The following CAMKK2 variants were observed in gnomAD, a reference collection of about 807,000 sequenced individuals.
CAMKK2 encodes calcium/calmodulin-dependent protein kinase kinase 2.
In CAMKK2, 30 loss-of-function variants were observed where a neutral mutation model predicts 67.2. The ratio of observed to expected loss-of-function variants is 0.45; its 90% CI spans 0.33 to 0.61. The LOEUF (loss-of-function observed/expected upper bound fraction) is 0.61, where lower values mean the gene tolerates loss of function less well. Ranked by LOEUF, CAMKK2 falls within the 20% of genes least tolerant of loss-of-function variation. The probability of loss-of-function intolerance (pLI) is 0.02; values close to 1 mark genes in which losing one functional copy is unlikely to be tolerated. For synonymous variants in CAMKK2, 322 were observed against 326.2 expected (o/e 0.99, Z 0.14); for missense variants, 643 against 802.0 (o/e 0.80, Z 2.39).
At chr12:121,242,409 A>G (rs1888550911) in intron 16 of CAMKK2, among the ~76,000 whole-genome samples, 1 of 152,176 alleles carries the variant, frequency 6.6e-6, no homozygotes, top group African/African-American at 2.4e-5. Context: ...AGACTTGCTC[A>G]GAGACAGGAG....
In CAMKK2 at chr12:121,255,588, C is replaced by T. The variant is rs747039247; in HGVS notation, c.869G>A (p.Arg290His). 1.6e-5 allele frequency: 26 copies of T among 1,612,292 alleles called. 1 individual carries two copies. The South Asian group carries it at 2.0e-4, about 12-fold the overall frequency. Reference sequence around the variant, plus strand: ...TTTGATCAGATCCTGGAAGTAGAAACGGGCCTGGTCTTCAGAGAGTGGTTT... The same window carrying T: ...TTTGATCAGATCCTGGAAGTAGAAATGGGCCTGGTCTTCAGAGAGTGGTTT... ...TLKPLSEDQA[R>H]FYFQDLIKGI... The change falls in exon 9 of 17, where the codon CGT becomes CAT. Residue 290 changes from arginine to histidine, a missense_variant. Physicochemically the swap from Arg to His is conservative, Grantham distance 29. This residue lies in a region of CAMKK2 where 483 missense variants were observed against 625.8 expected (regional missense o/e 0.77). Coordinates refer to ENST00000404169, the MANE Select transcript of CAMKK2 (RefSeq NM_001270485.2).
chr12:121,250,862 T>G (rs566667263), intron 11 of CAMKK2, among the ~76,000 whole-genome samples: 19 of 152,310 alleles, frequency 1.2e-4, no homozygotes, highest in African/African-American at 4.3e-4. Context: ...TCAGAAATAA[T>G]AAGTAGTATT....
At chr12:121,288,618 C>A (rs1402971910) in intron 1 of CAMKK2, among the ~76,000 whole-genome samples, 1 of 152,190 alleles carries the variant, frequency 6.6e-6, no homozygotes, top group Non-Finnish European at 1.5e-5. Flanking sequence ...ACTTCTCTAA[C>A]AGAAGCTTCT....
At position 121,238,901 on chromosome 12, in the gene CAMKK2, CCATAAA is replaced by C. The variant is rs1887933929; in HGVS notation, c.*1792_*1797del. The C allele has an allele frequency of 6.6e-6, 1 of 152,656 alleles. No homozygotes were observed. Among genetic ancestry groups the C allele is most frequent in the African/African-American group, 2.4e-5 (1 of 41,454 alleles). 9.5% of individuals were successfully genotyped at this position (152,656 alleles called of 1,614,324 possible). On this transcript the variant is annotated 3_prime_UTR_variant, in exon 17 of 17. Coordinates refer to ENST00000404169, the MANE Select transcript of CAMKK2 (RefSeq NM_001270485.2). ...GGGGTGGAGCTATTGAGTCCTCTCCCCATAAACATAAAGCCAGGAGGGCAAGAGGAA... is the reference window on the plus strand; with the variant it reads ...GGGGTGGAGCTATTGAGTCCTCTCCCCATAAAGCCAGGAGGGCAAGAGGAA...
chr12:121,251,397 G>C (rs35113167), intron 11 of CAMKK2, among the ~76,000 whole-genome samples: 2,361 of 152,228 alleles, frequency 0.016, 28 homozygotes, highest in Non-Finnish European at 0.023. Context: ...AATATTGAGA[G>C]GCAATCGGTA....
chr12:121,257,299 T>A (rs922217846), intron 7 of CAMKK2, among the ~76,000 whole-genome samples: 1 of 150,388 alleles, frequency 6.6e-6, no homozygotes, highest in Non-Finnish European at 1.5e-5. Context: ...CAGGCTGGAG[T>A]GCAGTGGCAC....
In CAMKK2 at chr12:121,245,358, C is replaced by T. The variant is rs1170896881; in HGVS notation, c.1453-118G>A. Reference sequence around the variant, plus strand: ...CCTGCCAGCTCCCAGGGCTGGTGACCGATGGCAGACTTTGAGAGAAACTGG... The same window carrying T: ...CCTGCCAGCTCCCAGGGCTGGTGACTGATGGCAGACTTTGAGAGAAACTGG... On this transcript the variant is annotated intron_variant, in intron 14 of 16. Coordinates refer to ENST00000404169, the MANE Select transcript of CAMKK2 (RefSeq NM_001270485.2). The surrounding 1 kb of genome is among the most constrained non-coding windows in gnomAD (Gnocchi z 5.8). 7.4e-6 allele frequency: 5 copies of T among 672,282 alleles called. No homozygotes were observed. The highest frequency in any genetic ancestry group is 5.6e-5 in the East Asian group (2 of 35,694). 41.6% of individuals were successfully genotyped at this position (672,282 alleles called of 1,614,324 possible).
chr12:121,282,504 G>A (rs1897981520), intron 1 of CAMKK2, among the ~76,000 whole-genome samples: 3 of 152,150 alleles, frequency 2.0e-5, no homozygotes, highest in Non-Finnish European at 2.9e-5. Context: ...AACAGGCCTA[G>A]TCCAATAAAT....
chr12:121,271,479 T>A (rs1895773935), intron 2 of CAMKK2, among the ~76,000 whole-genome samples: 1 of 144,218 alleles, frequency 6.9e-6, no homozygotes, highest in Admixed American at 6.8e-5. Flanking sequence ...CCACACACTG[T>A]GGACTCTTGT....
chr12:121,269,648 T>C (rs1895327142), intron 3 of CAMKK2, 67 bp from the exon 4 acceptor site: 1 of 1,270,064 alleles, frequency 7.9e-7, no homozygotes, highest in Non-Finnish European at 1.1e-6. Context: ...AGAACCCTAA[T>C]ACAGACGTTG....
At chr12:121,242,900 G>A (rs1365929965) in intron 16 of CAMKK2, among the ~76,000 whole-genome samples, 1 of 151,922 alleles carries the variant, frequency 6.6e-6, no homozygotes, top group Non-Finnish European at 1.5e-5. Flanking sequence ...CCGCCACCGC[G>A]CCCGGCTAAT....
chr12:121,256,858 A>G (rs1892391249), intron 7 of CAMKK2, among the ~76,000 whole-genome samples: 1 of 152,154 alleles, frequency 6.6e-6, no homozygotes, highest in African/African-American at 2.4e-5. Flanking sequence ...AAGTGCTGCA[A>G]TGAACGTTCG....
At position 121,238,177 on chromosome 12, in the gene CAMKK2, A is replaced by G. The variant is rs180774031; in HGVS notation, c.*2522T>C. 2.0e-5 allele frequency: 3 copies of G among 152,400 alleles called. No individual in the cohort carries two copies. Among genetic ancestry groups the G allele is most frequent in the Admixed American group, 6.5e-5 (1 of 15,298 alleles). The allele number at this position is 152,400 out of a possible 1,614,324, so 9.4% of individuals were successfully genotyped here. A position where few individuals can be genotyped will look rare whatever the true frequency, so the allele number is the denominator to read the frequency against. The stretch of plus-strand genomic sequence containing the variant: ...GTAGGGAGAGGCCTCCGCAGCCCCA[A>G]GTGTCAACAAGGGGCTCAATAAGGC... On this transcript the variant is annotated 3_prime_UTR_variant, in exon 17 of 17. Coordinates refer to ENST00000404169, the MANE Select transcript of CAMKK2 (RefSeq NM_001270485.2).
chr12:121,252,298 C>T (rs535564736), intron 11 of CAMKK2, among the ~76,000 whole-genome samples: 76 of 152,312 alleles, frequency 5.0e-4, no homozygotes, highest in African/African-American at 1.8e-3. Flanking sequence ...GACGGAGTCT[C>T]GCTCTTGTTG....
rs78250455 is a variant in CAMKK2, at chr12:121,268,607, G to A, written c.625+31C>T. Reference sequence around the variant, plus strand: ...TCTGCCCTGTCTTGTCCCAGCCCCTGTACCTAACAACAAAGGCCCGCCAAA... The same window carrying A: ...TCTGCCCTGTCTTGTCCCAGCCCCTATACCTAACAACAAAGGCCCGCCAAA... On this transcript the variant is annotated intron_variant, in intron 5 of 16. Coordinates refer to ENST00000404169, the MANE Select transcript of CAMKK2 (RefSeq NM_001270485.2). 3,895 of 1,609,842 alleles carry A rather than the reference G, an allele frequency of 2.4e-3. 101 individuals carry two copies. In the African/African-American group the frequency reaches 0.043, roughly 18 times the overall value.
chr12:121,240,419 T>G lies in CAMKK2; in HGVS notation c.*280A>C. The G allele has an allele frequency of 1.3e-6, 2 of 1,518,870 alleles. No individual in the cohort carries two copies. Among genetic ancestry groups the G allele is most frequent in the African/African-American group, 1.4e-5 (1 of 71,672 alleles). 94.1% of individuals were successfully genotyped at this position (1,518,870 alleles called of 1,614,324 possible). A position where few individuals can be genotyped will look rare whatever the true frequency, so the allele number is the denominator to read the frequency against. Reference sequence around the variant, plus strand: ...GAAGGATTTTTGGCATAAAAACGTTTTAAAAAGCAATTGTCCCAAAATGCA... The same window carrying G: ...GAAGGATTTTTGGCATAAAAACGTTGTAAAAAGCAATTGTCCCAAAATGCA... On this transcript the variant is annotated 3_prime_UTR_variant, in exon 17 of 17. Transcript: ENST00000404169. This position sits in a 1 kb window ranked among gnomAD's most constrained non-coding sequence, Gnocchi z 4.4.
intron 1 of CAMKK2, among the ~76,000 whole-genome samples, chr12:121,286,860 C>T (rs1056734753): frequency 6.6e-6 from 1 of 152,098 alleles, no homozygotes; most frequent in Non-Finnish European, 1.5e-5. Context: ...CAAGAAAGAA[C>T]TTTGGCAGTT....
intron 7 of CAMKK2, among the ~76,000 whole-genome samples, chr12:121,256,497 C>T (rs558675597): frequency 2.0e-5 from 3 of 152,254 alleles, no homozygotes; most frequent in Admixed American, 2.0e-4. Context: ...TATCTAGTTC[C>T]AGAACATTCT....
chr12:121,276,704 G>C (rs1376913847), intron 1 of CAMKK2, among the ~76,000 whole-genome samples: 3 of 151,976 alleles, frequency 2.0e-5, no homozygotes, highest in Admixed American at 1.3e-4. Flanking sequence ...TGGCCAACAT[G>C]GTGAAACCCC....
Sources: allele counts gnomAD v4.1 joint callset (sites outside exome capture counted in the v4.1 genomes callset), GRCh38; gene constraint gnomAD v4.1.1; regional missense constraint gnomAD v4.1.1; non-coding constraint Gnocchi (gnomAD v3.1); transcripts MANE v1.5; gene names NCBI Gene and HGNC (gene_info 2026-07-23, HGNC 2026-07-21).